FOXJ3: variants seen among roughly 807,000 people sequenced by gnomAD.
The protein encoded by FOXJ3 is forkhead box J3, also known as forkhead box protein J3.
A neutral mutation model predicts 76.1 loss-of-function variants in FOXJ3; 22 were observed. That is an observed-to-expected ratio of 0.29 (90% CI 0.21 to 0.41). The LOEUF is 0.41. FOXJ3 is among the 10% of genes least tolerant of loss of function. FOXJ3 has a pLI of 1.00. For missense variants in FOXJ3, 613 were observed against 762.1 expected (o/e 0.80, Z 2.30); for synonymous variants, 269 against 261.2 (o/e 1.03, Z -0.29).
intron 2 of FOXJ3, among the ~76,000 whole-genome samples, chr1:42,301,434 C>A (rs959038696): frequency 1.2e-4 from 18 of 152,026 alleles, no homozygotes; most frequent in African/African-American, 4.1e-4. Context: ...ACTCCTGACC[C>A]TCAAGTGATC....
chr1:42,335,473 G>A (rs1379888675), upstream of FOXJ3: 2 of 152,418 alleles, frequency 1.3e-5, no homozygotes, highest in Non-Finnish European at 2.9e-5. Flanking sequence ...GCCTCGGAGT[G>A]GCGTCTGGGA....
intron 3 of FOXJ3, among the ~76,000 whole-genome samples, chr1:42,277,525 C>T (rs780943986): frequency 0.41 from 12,912 of 31,662 alleles, 3,137 homozygotes; most frequent in Admixed American, 0.5. Context: ...TGGCCGGGCG[C>T]GGTGGCTCAC....
chr1:42,298,493 A>T (rs891244142), intron 2 of FOXJ3, among the ~76,000 whole-genome samples: 1 of 151,936 alleles, frequency 6.6e-6, no homozygotes, highest in South Asian at 2.1e-4. Flanking sequence ...GATCTTTTGT[A>T]TTTCTGTGGT....
At chr1:42,255,479 C>T (rs993707074) in intron 4 of FOXJ3, among the ~76,000 whole-genome samples, 9 of 152,144 alleles carry the variant, frequency 5.9e-5, no homozygotes, top group African/African-American at 1.7e-4. Context: ...GAAAAACAAA[C>T]AGCAACAATA....
intron 6 of FOXJ3, among the ~76,000 whole-genome samples, chr1:42,203,109 T>C (rs1208184405): frequency 6.6e-6 from 1 of 152,228 alleles, no homozygotes; most frequent in East Asian, 1.9e-4. Flanking sequence ...ATTTCTCTGC[T>C]GATGTGTCTG....
At chr1:42,275,920 A>C (rs1282857087) in intron 3 of FOXJ3, among the ~76,000 whole-genome samples, 1 of 152,212 alleles carries the variant, frequency 6.6e-6, no homozygotes, top group African/African-American at 2.4e-5. Context: ...CAGCACAAAG[A>C]ATAAATATCT....
chr1:42,199,862 G>C (rs1169803438), intron 6 of FOXJ3, among the ~76,000 whole-genome samples: 1 of 151,596 alleles, frequency 6.6e-6, no homozygotes, highest in Non-Finnish European at 1.5e-5. Flanking sequence ...TACAGTGCTT[G>C]AGTTTGTCTA....
chr1:42,311,393 A>G (rs974296252), intron 1 of FOXJ3, among the ~76,000 whole-genome samples: 2 of 152,174 alleles, frequency 1.3e-5, no homozygotes, highest in African/African-American at 4.8e-5. Context: ...CATCTAAAGA[A>G]GCTGAGATTT....
At chr1:42,186,098 T>C (rs1312043404) in intron 11 of FOXJ3, among the ~76,000 whole-genome samples, 1 of 152,028 alleles carries the variant, frequency 6.6e-6, no homozygotes, top group East Asian at 1.9e-4. Context: ...TTCTAAGAAA[T>C]TATGACAAAG....
chr1:42,250,965 C>A (rs1391507353), intron 4 of FOXJ3, among the ~76,000 whole-genome samples: 1 of 151,794 alleles, frequency 6.6e-6, no homozygotes, highest in Non-Finnish European at 1.5e-5. Context: ...GAAAAAATTT[C>A]ATGTCTTATT....
Position 42,324,177 on chromosome 1 carries a change from T to A in FOXJ3, c.-18+10882A>T, listed in dbSNP as rs1233402188. The stretch of plus-strand genomic sequence containing the variant: ...ATACACTGTGTATATATAGTATATA[T>A]AAATTCTAGGAATATATATACTATA... On this transcript the variant is annotated intron_variant, in intron 1 of 12. Coordinates refer to ENST00000361346, the MANE Select transcript of FOXJ3 (RefSeq NM_014947.5). 2.7e-5 allele frequency among the ~76,000 whole-genome samples: 3 copies of A among 109,810 alleles called. No individual in the cohort carries two copies. The Admixed American group carries it at 3.4e-4, about 12-fold the overall frequency. The allele number at this position is 109,810 out of a possible 152,430, so 72.0% of individuals were successfully genotyped here. A position where few individuals can be genotyped will look rare whatever the true frequency, so the allele number is the denominator to read the frequency against.
At chr1:42,209,511 C>T (rs1355691187) in intron 5 of FOXJ3, among the ~76,000 whole-genome samples, 1 of 152,178 alleles carries the variant, frequency 6.6e-6, no homozygotes. Flanking sequence ...GTCTCTAGAG[C>T]TTGAGTGGGA....
At chr1:42,208,541 A>C (rs1351345313) in intron 5 of FOXJ3, among the ~76,000 whole-genome samples, 2 of 152,252 alleles carry the variant, frequency 1.3e-5, no homozygotes, top group African/African-American at 4.8e-5. Context: ...AACATTCCTC[A>C]ACACAATAAA....
intron 8 of FOXJ3, among the ~76,000 whole-genome samples, chr1:42,193,809 G>C (rs1000818705): frequency 6.6e-6 from 1 of 152,104 alleles, no homozygotes; most frequent in African/African-American, 2.4e-5. Flanking sequence ...TCCAAAATTC[G>C]TATGTTGGAA....
At chr1:42,257,460 A>G (rs1219051868) in intron 4 of FOXJ3, among the ~76,000 whole-genome samples, 3 of 152,214 alleles carry the variant, frequency 2.0e-5, no homozygotes, top group African/African-American at 7.2e-5. Flanking sequence ...TCACACCTGT[A>G]ATCTCAGCAC....
chr1:42,245,435 A>C, intron 4 of FOXJ3, among the ~76,000 whole-genome samples: 1 of 152,166 alleles, frequency 6.6e-6, no homozygotes, highest in East Asian at 1.9e-4. Context: ...AATATTAGCA[A>C]ACCAAATCTG....
At chr1:42,253,790 T>TA (rs1447685422) in intron 4 of FOXJ3, among the ~76,000 whole-genome samples, 15 of 151,932 alleles carry the variant, frequency 9.9e-5, no homozygotes, top group Admixed American at 9.8e-4. Context: ...ATCCCTTCCT[T>TA]ACACCTTATA....
chr1:42,323,054 A>G (rs145372662), intron 1 of FOXJ3, among the ~76,000 whole-genome samples: 127 of 152,288 alleles, frequency 8.3e-4, no homozygotes, highest in Non-Finnish European at 1.6e-3. Flanking sequence ...GGGATATCAA[A>G]CTAGTGAGGG....
intron 3 of FOXJ3, among the ~76,000 whole-genome samples, chr1:42,268,891 T>C (rs186202518): frequency 3.3e-5 from 5 of 152,244 alleles, no homozygotes; most frequent in Admixed American, 1.3e-4. Flanking sequence ...GACTAGTGTT[T>C]ATAAAAGAGG....
Sources: allele counts gnomAD v4.1 joint callset (sites outside exome capture counted in the v4.1 genomes callset), GRCh38; gene constraint gnomAD v4.1.1; transcripts MANE v1.5; gene names NCBI Gene and HGNC (gene_info 2026-07-23, HGNC 2026-07-21).